The following CTNNA2 variants were observed in gnomAD, a reference collection of about 807,000 sequenced individuals.
CTNNA2 encodes the protein catenin alpha 2.
In CTNNA2, 42 loss-of-function variants were observed where a neutral mutation model predicts 101.0. That is an observed-to-expected ratio of 0.42 (90% CI 0.32 to 0.54). The LOEUF (loss-of-function observed/expected upper bound fraction) is 0.54. Among genes scored for constraint, CTNNA2 ranks in the 20% least tolerant of loss-of-function variants. CTNNA2 has a pLI of 0.14. For missense variants in CTNNA2, 871 were observed against 1,223.1 expected, an observed-to-expected ratio of 0.71 and a Z score of 4.29; for synonymous variants, 450 against 456.4, an observed-to-expected ratio of 0.99 and a Z score of 0.18.
At chr2:80,234,001 A>C (rs559781076) in intron 7 of CTNNA2, among the ~76,000 whole-genome samples, 11 of 152,216 alleles carry the variant, frequency 7.2e-5, no homozygotes, top group African/African-American at 2.6e-4. Flanking sequence ...GATTTTTACA[A>C]TCTTCCTGCA....
intron 4 of CTNNA2, among the ~76,000 whole-genome samples, chr2:79,424,427 A>C (rs987363549): frequency 6.6e-6 from 1 of 152,142 alleles, no homozygotes; most frequent in Admixed American, 6.6e-5. Flanking sequence ...AGGATTGTCA[A>C]CTTCACATTC....
intron 2 of CTNNA2, among the ~76,000 whole-genome samples, chr2:79,673,311 C>T (rs531933710): frequency 8.5e-4 from 129 of 150,880 alleles, no homozygotes; most frequent in African/African-American, 3.0e-3. Context: ...TTCTGGGGGG[C>T]GGGGGTGAAA....
intron 7 of CTNNA2, among the ~76,000 whole-genome samples, chr2:79,954,552 C>G (rs1048393509): frequency 6.6e-6 from 1 of 152,122 alleles, no homozygotes; most frequent in African/African-American, 2.4e-5. Context: ...TTTTTGGCTG[C>G]ACAAATTACC....
intron 5 of CTNNA2, among the ~76,000 whole-genome samples, chr2:79,872,760 G>A (rs1682690949): frequency 6.6e-6 from 1 of 152,140 alleles, no homozygotes; most frequent in South Asian, 2.1e-4. Flanking sequence ...CTTGTTACCA[G>A]GTCATTCATC....
intron 7 of CTNNA2, among the ~76,000 whole-genome samples, chr2:80,184,683 T>C (rs1558882941): frequency 6.6e-6 from 1 of 152,188 alleles, no homozygotes; most frequent in African/African-American, 2.4e-5. Flanking sequence ...TCCAGAGTGC[T>C]TGAAGAATGT....
intron 2 of CTNNA2, among the ~76,000 whole-genome samples, chr2:79,202,177 G>A (rs1325884184): frequency 6.6e-6 from 1 of 152,014 alleles, no homozygotes; most frequent in African/African-American, 2.4e-5. Context: ...AGCCTCAGAG[G>A]GATGACTGAA....
intron 7 of CTNNA2, among the ~76,000 whole-genome samples, chr2:80,156,033 T>C (rs76895033): frequency 0.013 from 1,940 of 152,288 alleles, 46 homozygotes; most frequent in African/African-American, 0.044. Flanking sequence ...CAGTAGGTTG[T>C]AGGGTGAGAC....
intron 4 of CTNNA2, among the ~76,000 whole-genome samples, chr2:79,389,877 A>C (rs1219831497): frequency 6.6e-6 from 1 of 152,200 alleles, no homozygotes; most frequent in African/African-American, 2.4e-5. Context: ...TTACTACACA[A>C]TTATATCATC....
chr2:79,448,329 T>C (rs1678855383), intron 4 of CTNNA2, among the ~76,000 whole-genome samples: 1 of 152,178 alleles, frequency 6.6e-6, no homozygotes, highest in East Asian at 1.9e-4. Context: ...CAAGTGTAGA[T>C]AGATTTTTCT....
chr2:79,653,976 C>T (rs977915654), intron 2 of CTNNA2, among the ~76,000 whole-genome samples: 1 of 152,146 alleles, frequency 6.6e-6, no homozygotes, highest in Non-Finnish European at 1.5e-5. Context: ...GCCTCACCAG[C>T]ATCTCCTTTA....
chr2:80,554,510 A>G (rs1345217550), intron 11 of CTNNA2, among the ~76,000 whole-genome samples: 1 of 152,176 alleles, frequency 6.6e-6, no homozygotes, highest in South Asian at 2.1e-4. Context: ...GGGAAGTCCA[A>G]GACAAAGGAC....
intron 12 of CTNNA2, among the ~76,000 whole-genome samples, chr2:80,567,543 C>A (rs1005093789): frequency 3.3e-5 from 5 of 152,126 alleles, no homozygotes; most frequent in African/African-American, 1.2e-4. Context: ...TCTCTTCTGT[C>A]ATCTAATTAG....
intron 4 of CTNNA2, among the ~76,000 whole-genome samples, chr2:79,455,583 C>A (rs1670813143): frequency 6.6e-6 from 1 of 152,166 alleles, no homozygotes; most frequent in East Asian, 1.9e-4. Flanking sequence ...TGTCTATTAC[C>A]TACACGTACC....
intron 7 of CTNNA2, among the ~76,000 whole-genome samples, chr2:80,392,307 A>C (rs1677589679): frequency 6.6e-6 from 1 of 152,246 alleles, no homozygotes; most frequent in Admixed American, 6.5e-5. Flanking sequence ...TAAATAAATC[A>C]ATCTGTAGCG....
At chr2:80,449,676 T>C (rs935373948) in intron 9 of CTNNA2, among the ~76,000 whole-genome samples, 3 of 152,190 alleles carry the variant, frequency 2.0e-5, no homozygotes, top group African/African-American at 7.2e-5. Flanking sequence ...TGTGGAATTA[T>C]CCAGTGATCA....
chr2:79,576,844 C>G (rs1267610802), intron 1 of CTNNA2, among the ~76,000 whole-genome samples: 1 of 152,008 alleles, frequency 6.6e-6, no homozygotes, highest in Non-Finnish European at 1.5e-5. Context: ...TGTTCTCTGC[C>G]AAGGAATGAC....
intron 2 of CTNNA2, among the ~76,000 whole-genome samples, chr2:79,306,034 A>G (rs1397383565): frequency 1.4e-5 from 2 of 139,130 alleles, no homozygotes; most frequent in Non-Finnish European, 3.0e-5. Context: ...CAACAGAGCG[A>G]GACACCATTT....
At chr2:79,338,745 G>A (rs1482455101) in intron 3 of CTNNA2, among the ~76,000 whole-genome samples, 1 of 151,960 alleles carries the variant, frequency 6.6e-6, no homozygotes, top group Non-Finnish European at 1.5e-5. Context: ...CCAGGCAAAG[G>A]ATGGTCATAA....
intron 1 of CTNNA2, among the ~76,000 whole-genome samples, chr2:79,551,482 T>G (rs1221036963): frequency 1.3e-5 from 2 of 152,176 alleles, no homozygotes; most frequent in Non-Finnish European, 2.9e-5. Context: ...TATACATTTG[T>G]CTCAGGTGAG....
Sources: allele counts gnomAD v4.1 joint callset (sites outside exome capture counted in the v4.1 genomes callset), GRCh38; gene constraint gnomAD v4.1.1; transcripts MANE v1.5; gene names NCBI Gene and HGNC (gene_info 2026-07-23, HGNC 2026-07-21).